Variants in MAML3 observed in about 807,000 individuals in gnomAD.
MAML3 encodes mastermind like transcriptional coactivator 3, also known as mastermind-like protein 3.
In MAML3, 27 loss-of-function variants were observed where a neutral mutation model predicts 101.9. The observed-to-expected ratio is 0.27, with a 90% CI of 0.20 to 0.37. The LOEUF (loss-of-function observed/expected upper bound fraction) is 0.37, where lower values mean the gene tolerates loss of function less well. MAML3 is among the 10% of genes least tolerant of loss of function. The pLI, the probability that MAML3 is intolerant of heterozygous loss-of-function variation, is 1.00. For missense variants in MAML3, 1,316 were observed against 1,444.9 expected, an observed-to-expected ratio of 0.91 and a Z score of 1.45; for synonymous variants, 501 against 555.9, an observed-to-expected ratio of 0.90 and a Z score of 1.39.
chr4:139,882,076 TA>T (rs1732230245), intron 2 of MAML3, among the ~76,000 whole-genome samples: 3 of 152,150 alleles, frequency 2.0e-5, no homozygotes, highest in South Asian at 4.2e-4. Context: ...CTATGGAAAT[TA>T]AAAATGTGAT....
At chr4:139,870,639 A>T (rs535123748) in intron 2 of MAML3, among the ~76,000 whole-genome samples, 2 of 152,090 alleles carry the variant, frequency 1.3e-5, no homozygotes, top group East Asian at 3.9e-4. Flanking sequence ...TGAAAACTCT[A>T]TTCCTACCTC....
chr4:139,781,514 T>TATATATATATATATATATATATAG (rs1730214496), intron 2 of MAML3, among the ~76,000 whole-genome samples: 1 of 91,858 alleles, frequency 1.1e-5, no homozygotes, highest in African/African-American at 4.1e-5. Flanking sequence ...TTTTCATATA[T>TATATATATATATATATATATATAG]ATATATATAT....
At chr4:139,955,555 CT>C (rs1394439808) in intron 1 of MAML3, among the ~76,000 whole-genome samples, 2 of 152,102 alleles carry the variant, frequency 1.3e-5, no homozygotes, top group African/African-American at 2.4e-5. Context: ...TTTGTTTTCT[CT>C]TTTTTCATCA....
At chr4:139,737,041 C>G (rs1728972756) in intron 2 of MAML3, among the ~76,000 whole-genome samples, 1 of 152,144 alleles carries the variant, frequency 6.6e-6, no homozygotes. Flanking sequence ...ACGGACTACT[C>G]CAGTTGCAAC....
intron 2 of MAML3, among the ~76,000 whole-genome samples, chr4:139,787,607 T>C (rs1730329432): frequency 6.6e-6 from 1 of 152,226 alleles, no homozygotes; most frequent in Non-Finnish European, 1.5e-5. Context: ...TTTTATATGT[T>C]ATCTTAAATT....
chr4:139,813,639 A>T (rs1730842420), intron 2 of MAML3, among the ~76,000 whole-genome samples: 1 of 152,196 alleles, frequency 6.6e-6, no homozygotes, highest in African/African-American at 2.4e-5. Flanking sequence ...TCAGGCAGTG[A>T]TCAGAGAATA....
intron 2 of MAML3, among the ~76,000 whole-genome samples, chr4:139,798,788 T>G (rs926415270): frequency 2.6e-5 from 4 of 152,184 alleles, no homozygotes; most frequent in Non-Finnish European, 4.4e-5. Flanking sequence ...CCTCCAAAAT[T>G]AAACAAAATA....
At chr4:139,899,401 A>T (rs1732671376) in intron 1 of MAML3, among the ~76,000 whole-genome samples, 1 of 152,206 alleles carries the variant, frequency 6.6e-6, no homozygotes, top group Non-Finnish European at 1.5e-5. Flanking sequence ...GTGTATTTTT[A>T]AAAACATTTT....
intron 1 of MAML3, among the ~76,000 whole-genome samples, chr4:139,949,830 G>A (rs1733803871): frequency 6.6e-6 from 1 of 152,176 alleles, no homozygotes; most frequent in Non-Finnish European, 1.5e-5. Flanking sequence ...GATGTTGCTA[G>A]GAAGGCTAGT....
chr4:140,092,986 G>T (rs907569273), intron 1 of MAML3, among the ~76,000 whole-genome samples: 1 of 152,186 alleles, frequency 6.6e-6, no homozygotes. Context: ...AAGTGGCAAG[G>T]ATTCCTGCAC....
intron 2 of MAML3, among the ~76,000 whole-genome samples, chr4:139,776,169 TTTGATGTCAATTGCTG>T (rs1452099170): frequency 6.6e-6 from 1 of 152,274 alleles, no homozygotes; most frequent in Non-Finnish European, 1.5e-5. Flanking sequence ...TCAACAGTTC[TTTGATGTCAATTGCTG>T]TTAATTTATG....
At chr4:139,842,666 T>C (rs1383069933) in intron 2 of MAML3, among the ~76,000 whole-genome samples, 2 of 149,062 alleles carry the variant, frequency 1.3e-5, no homozygotes, top group Admixed American at 1.4e-4. Flanking sequence ...TATAGGTGTG[T>C]GCCACCACGC....
intron 2 of MAML3, among the ~76,000 whole-genome samples, chr4:139,858,680 C>T (rs1731711999): frequency 6.6e-6 from 1 of 152,124 alleles, no homozygotes; most frequent in Non-Finnish European, 1.5e-5. Context: ...GCGGCACTGC[C>T]TGAGGTCTTT....
intron 2 of MAML3, among the ~76,000 whole-genome samples, chr4:139,876,811 G>A (rs1732125601): frequency 6.6e-6 from 1 of 152,192 alleles, no homozygotes; most frequent in Non-Finnish European, 1.5e-5. Flanking sequence ...GCAGTTTATC[G>A]GCTCAGAGGC....
At chr4:140,003,391 G>A (rs1726369549) in intron 1 of MAML3, among the ~76,000 whole-genome samples, 1 of 152,126 alleles carries the variant, frequency 6.6e-6, no homozygotes, top group Non-Finnish European at 1.5e-5. Context: ...CACTCCTTGG[G>A]CATAAGGAGA....
At chr4:139,865,497 T>TTTTG (rs1731879734) in intron 2 of MAML3, among the ~76,000 whole-genome samples, 1 of 94,376 alleles carries the variant, frequency 1.1e-5, no homozygotes, top group African/African-American at 4.2e-5. Flanking sequence ...TTTTTTTTTG[T>TTTTG]TTTTTTTTTT....
At chr4:139,892,503 C>T (rs1185724184) in intron 1 of MAML3, among the ~76,000 whole-genome samples, 2 of 151,550 alleles carry the variant, frequency 1.3e-5, no homozygotes, top group Non-Finnish European at 2.9e-5. Context: ...TCTTCTAACT[C>T]GTCTTTTACG....
intron 1 of MAML3, among the ~76,000 whole-genome samples, chr4:140,122,732 C>A (rs1030830055): frequency 7.0e-6 from 1 of 141,886 alleles, no homozygotes; most frequent in African/African-American, 2.6e-5. Context: ...GCGGAGCTTG[C>A]AGTGAGCTGA....
At chr4:140,046,687 G>A (rs568158390) in intron 1 of MAML3, among the ~76,000 whole-genome samples, 2 of 152,164 alleles carry the variant, frequency 1.3e-5, no homozygotes, top group Non-Finnish European at 2.9e-5. Flanking sequence ...CAAAGATGAG[G>A]AAGACACAGC....
Sources: allele counts gnomAD v4.1 joint callset (sites outside exome capture counted in the v4.1 genomes callset), GRCh38; gene constraint gnomAD v4.1.1; transcripts MANE v1.5; gene names NCBI Gene and HGNC (gene_info 2026-07-23, HGNC 2026-07-21).